PNPLA7: variants seen among roughly 807,000 people sequenced by gnomAD.
PNPLA7 encodes the protein patatin-like phospholipase domain-containing protein 7.
In PNPLA7, 153 loss-of-function variants were observed where a neutral mutation model predicts 161.7. The ratio of observed to expected loss-of-function variants is 0.95; its 90% confidence interval spans 0.83 to 1.08. The LOEUF is 1.08. Among genes scored for constraint, PNPLA7 ranks in the 50% least tolerant of loss-of-function variants. PNPLA7 has a pLI of 0.00. For synonymous variants in PNPLA7, 809 were observed against 782.1 expected (o/e 1.03, Z -0.57); for missense variants, 1,739 against 1,856.6 (o/e 0.94, Z 1.16).
In PNPLA7 at chr9:137,523,032, T is replaced by G. The variant is rs550702658; in HGVS notation, c.748-175A>C. Among the ~76,000 whole-genome samples the G allele has an allele frequency of 2.0e-5, 3 of 152,098 alleles. No homozygotes were observed. Among genetic ancestry groups the G allele is most frequent in the South Asian group, 4.1e-4 (2 of 4,824 alleles). ...TGCTTTTGGCACCAGCTGCACACGT[T>G]TTTTGACTGTCCAAGACATGTGCGG... is the stretch of plus-strand genomic sequence containing the variant. On this transcript the variant is annotated intron_variant, in intron 8 of 34. Transcript: ENST00000406427. The surrounding 1 kb of genome is among the most constrained non-coding windows in gnomAD (Gnocchi z 4.4).
chr9:137,480,370 C>T lies in PNPLA7; in HGVS notation c.2522G>A (p.Arg841His), dbSNP rs978062709. 24 of 1,613,350 alleles carry T rather than the reference C, an allele frequency of 1.5e-5. No homozygotes were observed. Among genetic ancestry groups the T allele is most frequent in the Admixed American group, 3.3e-5 (2 of 59,980 alleles). ...TLTPWTQRCV[R>H]QADCILIVGL... ...CACGATGAGGATGCAGTCGGCCTGGCGCACGCAGCGCTGGGTCCAGGGTGT... is the reference window on the plus strand; with the variant it reads ...CACGATGAGGATGCAGTCGGCCTGGTGCACGCAGCGCTGGGTCCAGGGTGT... The change falls in exon 23 of 35, where the codon CGC becomes CAC. Residue 841 changes from arginine (R) to histidine (H), a missense_variant. Arg to His is a conservative substitution (Grantham distance 29). Around this residue, in one of 6 missense-constraint regions of PNPLA7, gnomAD observed 192 missense variants for 249.5 expected, o/e 0.77. Coordinates refer to ENST00000406427, the MANE Select transcript of PNPLA7 (RefSeq NM_001098537.3).
intron 25 of PNPLA7, among the ~76,000 whole-genome samples, chr9:137,474,251 C>T (rs1411371433): frequency 6.6e-6 from 1 of 152,092 alleles, no homozygotes; most frequent in African/African-American, 2.4e-5. Flanking sequence ...AACAAACAAA[C>T]AAAAGAATTG....
rs570469018 is a variant in PNPLA7, at chr9:137,460,151, A to G, written c.*242T>C. The G allele has an allele frequency of 2.4e-5, 10 of 423,900 alleles. No individual in the cohort carries two copies. The highest frequency in any genetic ancestry group is 1.3e-4 in the African/African-American group (6 of 47,228). 26.3% of individuals were successfully genotyped at this position (423,900 alleles called of 1,614,324 possible). On this transcript the variant is annotated 3_prime_UTR_variant, in exon 35 of 35. Coordinates refer to ENST00000406427, the MANE Select transcript of PNPLA7 (RefSeq NM_001098537.3). The stretch of plus-strand genomic sequence containing the variant: ...TCACAGGGCTGCAGGGGGTTCACAG[A>G]GCTTCAGGGGCCTCACAGAGCTTCA...
chr9:137,474,248 A>C (rs1831839020), intron 25 of PNPLA7, among the ~76,000 whole-genome samples: 1 of 152,156 alleles, frequency 6.6e-6, no homozygotes, highest in Non-Finnish European at 1.5e-5. Context: ...CAAAACAAAC[A>C]AACAAAAGAA....
chr9:137,528,189 C>G (rs1451526570), intron 8 of PNPLA7, among the ~76,000 whole-genome samples: 1 of 152,164 alleles, frequency 6.6e-6, no homozygotes, highest in South Asian at 2.1e-4. Context: ...CTTCCAAGAG[C>G]CAGCTTTTGG....
chr9:137,532,890 C>T (rs1290499916), intron 8 of PNPLA7, among the ~76,000 whole-genome samples: 1 of 152,188 alleles, frequency 6.6e-6, no homozygotes, highest in African/African-American at 2.4e-5. Flanking sequence ...GAACAGTGTC[C>T]ACTCCAGACG....
chr9:137,546,509 C>A (rs560557797), intron 4 of PNPLA7, among the ~76,000 whole-genome samples: 62 of 152,326 alleles, frequency 4.1e-4, no homozygotes, highest in African/African-American at 1.5e-3. Context: ...GCCCTACAGG[C>A]CTTCCCTCCC....
intron 14 of PNPLA7, among the ~76,000 whole-genome samples, chr9:137,505,178 ACT>A (rs1212057440): frequency 4.7e-5 from 5 of 106,944 alleles, no homozygotes; most frequent in Non-Finnish European, 8.8e-5. Context: ...ATACTGCGAG[ACT>A]CTGTCTCAAA....
chr9:137,462,589 A>C (rs973972877), intron 30 of PNPLA7, 96 bp downstream of exon 30: 61 of 1,500,908 alleles, frequency 4.1e-5, no homozygotes, highest in Admixed American at 1.6e-4. Context: ...CTGGCCTCAG[A>C]GCCCAGGAGC....
rs995696637 is a variant in PNPLA7 at position 137,543,269 on chromosome 9, C to T, written c.506+163G>A. 6.6e-6 allele frequency among the ~76,000 whole-genome samples: 1 copy of T among 152,216 alleles called. No homozygotes were observed. The highest frequency in any genetic ancestry group is 2.4e-5 in the African/African-American group (1 of 41,466). On this transcript the variant is annotated intron_variant, in intron 6 of 34. Transcript: ENST00000406427. This position sits in a 1 kb window ranked among gnomAD's most constrained non-coding sequence, Gnocchi z 6.9. ...AAGAAAGATCTGGTGAAGGAGCCAG[C>T]AGACCACGAGGCCCCGCCACGGGGC...
intron 30 of PNPLA7, 114 bp from the exon 31 acceptor site, chr9:137,462,445 G>A (rs1831260196): frequency 2.7e-6 from 4 of 1,488,030 alleles, no homozygotes; most frequent in Non-Finnish European, 3.6e-6. Context: ...GTAGGTTCTG[G>A]GGGGAGAGGG....
At position 137,544,446 on chromosome 9, in the gene PNPLA7, A is replaced by G. The variant is rs116707999; in HGVS notation, c.274-631T>C. Among the ~76,000 whole-genome samples, 765 of 152,226 alleles carry G rather than the reference A, an allele frequency of 5.0e-3. 7 individuals carry two copies. The highest frequency in any genetic ancestry group is 0.017 in the African/African-American group (715 of 41,532). On this transcript the variant is annotated intron_variant, in intron 4 of 34. Transcript: ENST00000406427. Reference sequence around the variant, plus strand: ...CTGTGGGGCCACTGGATGATGGCCGACACTCAACAGACCGCCTCCACTCTG... The same window carrying G: ...CTGTGGGGCCACTGGATGATGGCCGGCACTCAACAGACCGCCTCCACTCTG...
Position 137,543,048 on chromosome 9 carries a change from C to A in PNPLA7, c.507-247G>T, listed in dbSNP as rs138849778. 1.3e-3 allele frequency among the ~76,000 whole-genome samples: 202 copies of A among 152,268 alleles called. No homozygotes were observed. The highest frequency in any genetic ancestry group is 4.2e-3 in the African/African-American group (175 of 41,552). ...CCCGTGAACCTGAGCCACACACACA[C>A]GGGAGGAAGGCAAAGGTGGCCTCCA... is the stretch of plus-strand genomic sequence containing the variant. On this transcript the variant is annotated intron_variant, in intron 6 of 34. Transcript: ENST00000406427. The surrounding 1 kb of genome is among the most constrained non-coding windows in gnomAD (Gnocchi z 6.9).
chr9:137,514,928 G>T (rs1462216734), intron 12 of PNPLA7, among the ~76,000 whole-genome samples: 1 of 152,146 alleles, frequency 6.6e-6, no homozygotes, highest in African/African-American at 2.4e-5. Flanking sequence ...CTGGGCTGTG[G>T]GCGGGTCACC....
At chr9:137,461,742 A>G (rs1831208049) in intron 32 of PNPLA7, 122 bp from the exon 33 acceptor site, 10 of 1,235,724 alleles carry the variant, frequency 8.1e-6, no homozygotes, top group Middle Eastern at 2.6e-4. Context: ...CTGCCCCCCA[A>G]GTAAGGGCAG....
Position 137,546,825 on chromosome 9 carries a change from G to C in PNPLA7, c.273+5C>G. 1.2e-6 allele frequency: 2 copies of C among 1,613,714 alleles called. 1 individual carries two copies. The highest frequency in any genetic ancestry group is 2.2e-5 in the South Asian group (2 of 91,086). On this transcript the variant is annotated splice_donor_5th_base_variant and intron_variant, in intron 4 of 34. Transcript: ENST00000406427. Reference sequence around the variant, plus strand: ...GTGCAGCCTGGGGCCCCGAGCAACAGCTACCTTCCTCATGATCTTCCGGCC... The same window carrying C: ...GTGCAGCCTGGGGCCCCGAGCAACACCTACCTTCCTCATGATCTTCCGGCC...
At chr9:137,462,642 G>A in intron 30 of PNPLA7, 43 bp downstream of exon 30, 5 of 1,604,472 alleles carry the variant, frequency 3.1e-6, no homozygotes, top group South Asian at 1.1e-5. Flanking sequence ...GAGCTGCAGG[G>A]AGGAGCAGCA....
intron 8 of PNPLA7, among the ~76,000 whole-genome samples, chr9:137,531,196 G>C (rs192260091): frequency 6.6e-6 from 1 of 152,200 alleles, no homozygotes; most frequent in East Asian, 1.9e-4. Flanking sequence ...CTGAAATCAC[G>C]GCCTGCTCCA....
At position 137,467,510 on chromosome 9, in the gene PNPLA7, C is replaced by T. The variant is rs1480280077; in HGVS notation, c.2883-37G>A. The T allele has an allele frequency of 1.9e-6, 3 of 1,605,290 alleles. No individual in the cohort carries two copies. Among genetic ancestry groups the T allele is most frequent in the South Asian group, 1.1e-5 (1 of 90,440 alleles). On this transcript the variant is annotated intron_variant, in intron 25 of 34. Coordinates refer to ENST00000406427, the MANE Select transcript of PNPLA7 (RefSeq NM_001098537.3). This position sits in a 1 kb window ranked among gnomAD's most constrained non-coding sequence, Gnocchi z 5.1. The stretch of plus-strand genomic sequence containing the variant: ...AGGGACACAGAGCAAGGAGTGAGTA[C>T]CAGGCCCAGGCTGCGCCCTGCAGAG...
Sources: allele counts gnomAD v4.1 joint callset (sites outside exome capture counted in the v4.1 genomes callset), GRCh38; gene constraint gnomAD v4.1.1; regional missense constraint gnomAD v4.1.1; non-coding constraint Gnocchi (gnomAD v3.1); transcripts MANE v1.5; gene names NCBI Gene and HGNC (gene_info 2026-07-23, HGNC 2026-07-21).